The following PDE11A variants were observed in gnomAD, a reference collection of about 807,000 sequenced individuals.
PDE11A encodes phosphodiesterase 11A.
Under a neutral mutation model 100.5 loss-of-function variants are expected in PDE11A, and 100 were observed. That is an observed-to-expected ratio of 1.00 (90% CI 0.85 to 1.18). The LOEUF is 1.18. Among genes scored for constraint, PDE11A ranks in the 50% most tolerant of loss-of-function variants. PDE11A has a pLI of 0.00. For synonymous variants in PDE11A, 381 were observed against 420.8 expected, an observed-to-expected ratio of 0.91 and a Z score of 1.16; for missense variants, 1,141 against 1,152.6, an observed-to-expected ratio of 0.99 and a Z score of 0.15.
chr2:178,001,275 A>AGT (rs57136586), intron 2 of PDE11A, among the ~76,000 whole-genome samples: 18,988 of 140,626 alleles, frequency 0.14, 1,472 homozygotes, highest in African/African-American at 0.23. Context: ...ACAATGTGAA[A>AGT]GTGTGTGTGT....
intron 1 of PDE11A, among the ~76,000 whole-genome samples, chr2:178,028,296 C>T (rs144291036): frequency 4.7e-3 from 280 of 60,166 alleles, no homozygotes; most frequent in African/African-American, 0.016. Context: ...GTCACATGTT[C>T]CATCAAAAAA....
At chr2:177,941,778 A>T (rs2085349021) in intron 2 of PDE11A, among the ~76,000 whole-genome samples, 1 of 152,252 alleles carries the variant, frequency 6.6e-6, no homozygotes, top group South Asian at 2.1e-4. Context: ...AGGACTCAGA[A>T]GATGCAGGGA....
intron 2 of PDE11A, among the ~76,000 whole-genome samples, chr2:178,096,245 G>T (rs1164280663): frequency 6.7e-6 from 1 of 148,156 alleles, no homozygotes; most frequent in African/African-American, 2.5e-5. Flanking sequence ...CTCACCGCAA[G>T]CCCCGCCTCC....
chr2:177,826,048 G>C (rs2083221639), intron 6 of PDE11A, among the ~76,000 whole-genome samples: 2 of 152,142 alleles, frequency 1.3e-5, no homozygotes, highest in Non-Finnish European at 2.9e-5. Context: ...GGTCATTCTT[G>C]GTTTAACATT....
intron 10 of PDE11A, among the ~76,000 whole-genome samples, chr2:177,751,525 A>G (rs2082026822): frequency 6.6e-6 from 1 of 152,162 alleles, no homozygotes; most frequent in African/African-American, 2.4e-5. Flanking sequence ...TCATTAGTGC[A>G]GTTTCCCTGG....
intron 15 of PDE11A, among the ~76,000 whole-genome samples, chr2:177,685,050 A>G (rs1001778469): frequency 4.6e-5 from 7 of 152,204 alleles, no homozygotes; most frequent in African/African-American, 1.7e-4. Flanking sequence ...AGAAATCGCT[A>G]GAATTAAGCT....
At chr2:177,793,305 C>T (rs1448585080) in intron 9 of PDE11A, among the ~76,000 whole-genome samples, 2 of 152,132 alleles carry the variant, frequency 1.3e-5, no homozygotes, top group East Asian at 3.9e-4. Flanking sequence ...TACCCCACCC[C>T]AGAAGTGACC....
intron 5 of PDE11A, among the ~76,000 whole-genome samples, chr2:177,854,446 T>C (rs528718208): frequency 5.3e-5 from 8 of 152,148 alleles, no homozygotes; most frequent in African/African-American, 1.7e-4. Flanking sequence ...CTTTCCTTCA[T>C]TGATGTTTAG....
At chr2:177,981,776 A>G (rs2085885174) in intron 2 of PDE11A, among the ~76,000 whole-genome samples, 1 of 151,082 alleles carries the variant, frequency 6.6e-6, no homozygotes, top group South Asian at 2.1e-4. Context: ...ATACATTAGT[A>G]CATGAAGTAC....
intron 15 of PDE11A, among the ~76,000 whole-genome samples, chr2:177,694,457 A>G (rs943166668): frequency 3.3e-5 from 5 of 152,206 alleles, no homozygotes; most frequent in African/African-American, 1.2e-4. Context: ...CATGATATTT[A>G]AGTCAACCAA....
intron 2 of PDE11A, among the ~76,000 whole-genome samples, chr2:177,967,677 T>C (rs377542945): frequency 2.6e-5 from 4 of 151,996 alleles, no homozygotes; most frequent in Non-Finnish European, 5.9e-5. Context: ...CTGGCCCCAA[T>C]CTACTGTCTC....
chr2:177,731,959 T>C (rs2081698334), intron 10 of PDE11A, among the ~76,000 whole-genome samples: 2 of 152,248 alleles, frequency 1.3e-5, no homozygotes, highest in African/African-American at 4.8e-5. Context: ...ATTTTTGTTT[T>C]AATAGGGCAT....
chr2:177,984,682 G>C (rs1019302682), intron 2 of PDE11A, among the ~76,000 whole-genome samples: 1 of 152,138 alleles, frequency 6.6e-6, no homozygotes, highest in African/African-American at 2.4e-5. Flanking sequence ...AAGTACAGTA[G>C]ATAGCATTAT....
intron 5 of PDE11A, among the ~76,000 whole-genome samples, chr2:177,846,320 T>C (rs1046311350): frequency 3.3e-5 from 5 of 152,186 alleles, no homozygotes; most frequent in African/African-American, 1.2e-4. Context: ...TGCAAAGTGC[T>C]CAGCATATTA....
intron 16 of PDE11A, chr2:177,677,980 T>C (rs1000289220): frequency 2.0e-5 from 3 of 152,232 alleles, no homozygotes; most frequent in Non-Finnish European, 1.5e-5. Flanking sequence ...AATGAACAAA[T>C]TTTAATGTTA....
At chr2:178,040,899 T>A (rs2086675511) in intron 1 of PDE11A, among the ~76,000 whole-genome samples, 1 of 152,206 alleles carries the variant, frequency 6.6e-6, no homozygotes, top group East Asian at 1.9e-4. Context: ...AAATACAGAA[T>A]GATAAAAATG....
intron 15 of PDE11A, among the ~76,000 whole-genome samples, chr2:177,684,157 C>A (rs749017696): frequency 1.3e-5 from 2 of 152,118 alleles, no homozygotes; most frequent in Non-Finnish European, 2.9e-5. Flanking sequence ...TATTGAACAT[C>A]TACTCTGTAA....
chr2:177,917,222 C>A (rs2105749372), intron 2 of PDE11A, among the ~76,000 whole-genome samples: 1 of 152,256 alleles, frequency 6.6e-6, no homozygotes, highest in African/African-American at 2.4e-5. Flanking sequence ...TTCAAATCAC[C>A]CAATTCCAAA....
At chr2:177,915,146 T>C (rs2084934662) in intron 2 of PDE11A, among the ~76,000 whole-genome samples, 3 of 152,316 alleles carry the variant, frequency 2.0e-5, no homozygotes, top group South Asian at 2.1e-4. Flanking sequence ...ATTAACATCT[T>C]ACATTAGAGT....
Sources: gnomAD v4.1 joint callset for allele counts (sites outside exome capture counted in the v4.1 genomes callset) on GRCh38, gnomAD v4.1.1 for gene constraint, MANE v1.5 for transcripts, NCBI Gene and HGNC (gene_info 2026-07-23, HGNC 2026-07-21) for gene names.